WDR76: variants seen among roughly 807,000 people sequenced by gnomAD.
The protein encoded by WDR76 is WD repeat domain 76, also known as WD repeat-containing protein 76.
WDR76 carries 52 observed loss-of-function variants against 70.2 expected under a neutral mutation model. The observed-to-expected ratio is 0.74, with a 90% CI of 0.59 to 0.93. WDR76 has a LOEUF of 0.93. Ranked by LOEUF, WDR76 falls within the 40% of genes least tolerant of loss-of-function variation. The probability of loss-of-function intolerance (pLI) is 0.00; values close to 1 mark genes in which losing one functional copy is unlikely to be tolerated. For missense variants in WDR76, 756 were observed against 760.2 expected (o/e 0.99, Z 0.07); for synonymous variants, 292 against 271.1 (o/e 1.08, Z -0.76).
At chr15:43,862,757 C>T (rs2140314363) in intron 12 of WDR76, among the ~76,000 whole-genome samples, 1 of 152,292 alleles carries the variant, frequency 6.6e-6, no homozygotes, top group East Asian at 1.9e-4. Flanking sequence ...ACCCACCTGC[C>T]TCGGCCTCCC....
intron 11 of WDR76, 95 bp from the exon 12 acceptor site, chr15:43,861,238 A>T: frequency 9.5e-7 from 1 of 1,051,554 alleles, no homozygotes; most frequent in Non-Finnish European, 1.5e-6. Context: ...TATATTTCAT[A>T]CCATGAATTA....
chr15:43,833,552 C>T (rs1041586184), intron 2 of WDR76, among the ~76,000 whole-genome samples: 12 of 151,946 alleles, frequency 7.9e-5, no homozygotes, highest in African/African-American at 2.9e-4. Flanking sequence ...ATCTCCTGAC[C>T]TTGTGATCTG....
chr15:43,866,444 C>T lies in WDR76; in HGVS notation c.*52C>T, dbSNP rs1445255956. 6 of 1,596,866 alleles carry T rather than the reference C, an allele frequency of 3.8e-6. No individual in the cohort carries two copies. Among genetic ancestry groups the T allele is most frequent in the South Asian group, 3.3e-5 (3 of 89,760 alleles). On this transcript the variant is annotated 3_prime_UTR_variant, in exon 13 of 13. Transcript: ENST00000263795. The stretch of plus-strand genomic sequence containing the variant: ...TTCAAATTGACCACTGTCTAAGGAG[C>T]CTAGTAATCGGCGTGCCTTAGTGTG...
intron 8 of WDR76, among the ~76,000 whole-genome samples, chr15:43,848,183 G>A (rs2087812048): frequency 6.6e-6 from 1 of 152,118 alleles, no homozygotes; most frequent in African/African-American, 2.4e-5. Context: ...AGGCTGCAGT[G>A]AGCCATGATT....
chr15:43,843,109 C>T (rs1049690787), intron 7 of WDR76, among the ~76,000 whole-genome samples: 16 of 145,086 alleles, frequency 1.1e-4, no homozygotes, highest in Non-Finnish European at 2.2e-4. Context: ...TTGCAACCTT[C>T]GCTTCCTGGG....
chr15:43,862,276 CTTTTTTT>C lies in WDR76; in HGVS notation c.1616+905_1616+911del. On this transcript the variant is annotated intron_variant, in intron 12 of 12. Coordinates refer to ENST00000263795, the MANE Select transcript of WDR76 (RefSeq NM_024908.4). ...ACATTTTGTTCCATTTTATCAGTTTCTTTTTTTTTTTTTTTTTTTTTCAGGTCCACAA... is the reference window on the plus strand; with the variant it reads ...ACATTTTGTTCCATTTTATCAGTTTCTTTTTTTTTTTTTTCAGGTCCACAA... Among the ~76,000 whole-genome samples, 79 of 42,168 alleles carry C rather than the reference CTTTTTTT, an allele frequency of 1.9e-3. 1 individual carries two copies. Among genetic ancestry groups the C allele is most frequent in the East Asian group, 0.01 (15 of 1,452 alleles). The allele number at this position is 42,168 out of a possible 152,430, so 27.7% of individuals were successfully genotyped here. A position where few individuals can be genotyped will look rare whatever the true frequency, so the allele number is the denominator to read the frequency against.
rs149640403 is a variant in WDR76, at chr15:43,856,966, T to C, written c.1212T>C (p.Ser404=). Residue 404 remains serine (S), a synonymous_variant, in exon 10 of 13, where the codon AGT becomes AGC. Transcript: ENST00000263795. The part of the protein sequence containing the change: ...IFEEVYRNER[S]SFSSFDFLAE... ...CTTAGGTGTATAGAAATGAAAGAAG[T>C]AGCTTTTCCTCCTTCGACTTCTTGG... 1 of 1,613,938 alleles carries C rather than the reference T, an allele frequency of 6.2e-7. No individual in the cohort carries two copies. The highest frequency in any genetic ancestry group is 2.2e-5 in the East Asian group (1 of 44,862).
At chr15:43,854,036 C>T (rs185837189) in intron 9 of WDR76, among the ~76,000 whole-genome samples, 26 of 152,142 alleles carry the variant, frequency 1.7e-4, no homozygotes, top group African/African-American at 4.6e-4. Context: ...ACTAGGATAA[C>T]GATACTTGCC....
At chr15:43,851,387 A>G (rs1197394278) in intron 9 of WDR76, 142 bp downstream of exon 9, 31 of 1,163,644 alleles carry the variant, frequency 2.7e-5, no homozygotes, top group Non-Finnish European at 3.1e-5. Context: ...TTCAAATCCC[A>G]GATCATCTGT....
intron 5 of WDR76, among the ~76,000 whole-genome samples, chr15:43,841,193 GTTT>G (rs1419399531): frequency 0.013 from 1,568 of 118,788 alleles, 29 homozygotes; most frequent in African/African-American, 0.047. Context: ...GCTAAGTTTT[GTTT>G]TTTTGTTTTT....
At position 43,828,296 on chromosome 15, in the gene WDR76, C is replaced by G. The variant is rs373892287; in HGVS notation, c.392C>G (p.Ala131Gly). The change falls in exon 2 of 13, where the codon GCG (alanine) becomes GGG (glycine). Residue 131 changes from alanine to glycine, a missense_variant. Ala to Gly is a moderately conservative substitution (Grantham distance 60, BLOSUM62 0). Coordinates refer to ENST00000263795, the MANE Select transcript of WDR76 (RefSeq NM_024908.4). ...CTACAACCCAAGAGAACGGCAGATG[C>G]GATGAATCTCAGTGTTGATGTGGAA... ...NKLQPKRTAD[A>G]MNLSVDVESS... 1.3e-5 allele frequency: 21 copies of G among 1,614,100 alleles called. No homozygotes were observed. The highest frequency in any genetic ancestry group is 1.4e-5 in the Non-Finnish European group (16 of 1,180,040).
At chr15:43,827,810 G>A in intron 1 of WDR76, among the ~76,000 whole-genome samples, 155 bp from the exon 2 acceptor site, 1 of 152,188 alleles carries the variant, frequency 6.6e-6, no homozygotes, top group South Asian at 2.1e-4. Flanking sequence ...CTCCCAAAGT[G>A]CTGGGATTAC....
rs866860719 is a variant in WDR76 at position 43,857,081 on chromosome 15, C to T, written c.1327C>T (p.Leu443Phe). 6.2e-7 allele frequency: 1 copy of T among 1,614,064 alleles called. No individual in the cohort carries two copies. The highest frequency in any genetic ancestry group is 1.3e-5 in the African/African-American group (1 of 75,012). Residue 443 changes from leucine to phenylalanine, a missense_variant, in exon 10 of 13, where the codon CTT (leucine) becomes TTT (phenylalanine). Coordinates refer to ENST00000263795, the MANE Select transcript of WDR76 (RefSeq NM_024908.4). Reference sequence around the variant, plus strand: ...GACACCTGGAACTTCTTATGAGAAACTTACCAGTTCTTCTATGGGAAAAAT... The same window carrying T: ...GACACCTGGAACTTCTTATGAGAAATTTACCAGTTCTTCTATGGGAAAAAT... ...RRTPGTSYEKLTSSSMGKIRT... is the reference protein window; with the variant it reads ...RRTPGTSYEKFTSSSMGKIRT...
intron 1 of WDR76, among the ~76,000 whole-genome samples, chr15:43,827,584 G>C (rs189806561): frequency 1.3e-5 from 2 of 152,312 alleles, no homozygotes; most frequent in African/African-American, 4.8e-5. Context: ...TCACTCTGTT[G>C]CCCAGGCTGG....
In WDR76 at chr15:43,851,180, A is replaced by T. The variant is rs1235447458; in HGVS notation, c.1126A>T (p.Ile376Leu). ...CTTCTCACCCGCCAATCCGGCCCAC[A>T]TACTGTCACTGAGCTATGATGGCAC... ...LYFSPANPAH[I>L]LSLSYDGTLR... Residue 376 changes from isoleucine to leucine, a missense_variant, in exon 9 of 13, where the codon ATA (isoleucine) becomes TTA (leucine). Physicochemically the swap from Ile to Leu is conservative, Grantham distance 5. Transcript: ENST00000263795. The T allele has an allele frequency of 2.5e-6, 4 of 1,614,158 alleles. No individual in the cohort carries two copies. The highest frequency in any genetic ancestry group is 3.4e-6 in the Non-Finnish European group (4 of 1,180,022).
intron 2 of WDR76, among the ~76,000 whole-genome samples, chr15:43,833,094 T>C (rs1369582056): frequency 6.6e-6 from 1 of 151,962 alleles, no homozygotes; most frequent in Middle Eastern, 3.4e-3. Flanking sequence ...AAAGGCTGCA[T>C]ACTCATTGGG....
intron 8 of WDR76, among the ~76,000 whole-genome samples, chr15:43,849,288 C>A (rs1224934390): frequency 6.6e-6 from 1 of 151,792 alleles, no homozygotes; most frequent in Admixed American, 6.6e-5. Context: ...ACTACAATTG[C>A]TTTTTGTTTT....
rs1596068362 is a variant in WDR76, at chr15:43,835,247, G to A, written c.552+97G>A. On this transcript the variant is annotated intron_variant, in intron 3 of 12. Transcript: ENST00000263795. ...TTGGGGAGGCTGACATGGGAGAATC[G>A]CTTGAGGCCAGGAGTTCGAGATCAG... 18 of 1,110,120 alleles carry A rather than the reference G, an allele frequency of 1.6e-5. No homozygotes were observed. In the East Asian group the frequency reaches 3.4e-4, roughly 21 times the overall value. The allele number at this position is 1,110,120 out of a possible 1,614,324, so 68.8% of individuals were successfully genotyped here.
At chr15:43,844,178 CT>C (rs2087759144) in intron 8 of WDR76, 124 bp downstream of exon 8, 6 of 799,440 alleles carry the variant, frequency 7.5e-6, no homozygotes, top group Non-Finnish European at 1.1e-5. Context: ...CTTTATGATG[CT>C]TTATGATTCC....
Sources: allele counts gnomAD v4.1 joint callset (sites outside exome capture counted in the v4.1 genomes callset), GRCh38; gene constraint gnomAD v4.1.1; transcripts MANE v1.5; gene names NCBI Gene and HGNC (gene_info 2026-07-23, HGNC 2026-07-21).